Variants in SVEP1 observed in about 807,000 individuals in gnomAD.
The protein encoded by SVEP1 is sushi, von Willebrand factor type A, EGF and pentraxin domain-containing protein 1.
A neutral mutation model predicts 367.3 loss-of-function variants in SVEP1; 164 were observed. The ratio of observed to expected loss-of-function variants is 0.45; its 90% CI spans 0.39 to 0.51. The LOEUF (loss-of-function observed/expected upper bound fraction) is 0.51. SVEP1 is among the 20% of genes least tolerant of loss of function. SVEP1 has a pLI of 0.00. For missense variants in SVEP1, 4,117 were observed against 4,425.3 expected (o/e 0.93, Z 1.98); for synonymous variants, 1,666 against 1,611.6 (o/e 1.03, Z -0.81).
intron 9 of SVEP1, among the ~76,000 whole-genome samples, chr9:110,485,946 T>C (rs577758757): frequency 6.6e-6 from 1 of 152,222 alleles, no homozygotes; most frequent in Admixed American, 6.5e-5. Flanking sequence ...CTCATGTTTG[T>C]TATTAGTGCA....
chr9:110,575,598 C>A (rs35920727), intron 1 of SVEP1, among the ~76,000 whole-genome samples: 3,051 of 151,972 alleles, frequency 0.02, 106 homozygotes, highest in African/African-American at 0.063. Context: ...AAGGCAAAAG[C>A]CTTTAAACCT....
At chr9:110,533,718 G>A (rs530335334) in intron 3 of SVEP1, among the ~76,000 whole-genome samples, 11 of 152,156 alleles carry the variant, frequency 7.2e-5, no homozygotes, top group African/African-American at 2.7e-4. Context: ...AGCATAGCCC[G>A]ATTTCCTCTA....
In SVEP1 at chr9:110,458,555, A is replaced by C. The variant is rs1828811291; in HGVS notation, c.3492T>G (p.Ser1164Arg). 1 of 1,609,846 alleles carries C rather than the reference A, an allele frequency of 6.2e-7. No homozygotes were observed. The highest frequency in any genetic ancestry group is 1.3e-5 in the African/African-American group (1 of 74,896). The change falls in exon 20 of 48, where the codon AGT becomes AGG. Residue 1164 changes from serine (S) to arginine (R), a missense_variant. Transcript: ENST00000374469. ...TTTCCTCTGCCGCTGAGAAAGTTGA[A>C]CTAAAACCTAATCAATTAATAGAAA... ...SRSITECSSF[S>R]STFSAAEESV... is the part of the protein sequence containing the mutation.
At chr9:110,423,173 A>AAAAAAAAAAG (rs1564138046) in intron 36 of SVEP1, among the ~76,000 whole-genome samples, 7 of 147,138 alleles carry the variant, frequency 4.8e-5, no homozygotes, top group Non-Finnish European at 9.0e-5. Context: ...TAAAGTAAAA[A>AAAAAAAAAAG]AAAAAAAAAA....
chr9:110,504,891 C>T (rs772759004), intron 5 of SVEP1, among the ~76,000 whole-genome samples: 3 of 152,096 alleles, frequency 2.0e-5, no homozygotes, highest in Admixed American at 6.6e-5. Context: ...GTGCTCCAAA[C>T]GTGCTCGGGG....
At position 110,408,582 on chromosome 9, in the gene SVEP1, T is replaced by C. The variant is rs750111364; in HGVS notation, c.7018A>G (p.Thr2340Ala). The C allele has an allele frequency of 1.9e-6, 3 of 1,613,838 alleles. No individual in the cohort carries two copies. Among genetic ancestry groups the C allele is most frequent in the Non-Finnish European group, 2.5e-6 (3 of 1,179,886 alleles). The change falls in exon 38 of 48, where the codon ACC (threonine) becomes GCC (alanine). Residue 2340 changes from threonine to alanine, a missense_variant. By Grantham distance (58) the Thr-to-Ala change is moderately conservative. Around this residue, in one of 4 missense-constraint regions of SVEP1, gnomAD observed 1,765 missense variants for 1,781.1 expected, o/e 0.99. Transcript: ENST00000374469. ...GAAAATGTCACAACTCCTACCTCGG[T>C]GGTCAACTCCTTTAATACTAGCTGG... ...ENQLVLKELT[T>A]EVGVVTFSCK...
chr9:110,390,291 T>TAAGTA (rs1564127502), intron 40 of SVEP1, among the ~76,000 whole-genome samples: 10 of 26,486 alleles, frequency 3.8e-4, no homozygotes, highest in African/African-American at 1.2e-3. Flanking sequence ...ATATACATAC[T>TAAGTA]TATATATACT....
At chr9:110,428,540 C>T (rs1363002205) in intron 35 of SVEP1, among the ~76,000 whole-genome samples, 1 of 152,110 alleles carries the variant, frequency 6.6e-6, no homozygotes, top group Non-Finnish European at 1.5e-5. Context: ...AGAAATCCAT[C>T]ACAAAAGCAT....
chr9:110,516,287 C>T (rs2118783237), intron 3 of SVEP1, among the ~76,000 whole-genome samples: 1 of 151,342 alleles, frequency 6.6e-6, no homozygotes, highest in African/African-American at 2.4e-5. Context: ...AGGTGGGATT[C>T]ATAATATGTC....
chr9:110,566,949 T>C (rs1830500639), intron 1 of SVEP1, among the ~76,000 whole-genome samples: 1 of 152,214 alleles, frequency 6.6e-6, no homozygotes, highest in Non-Finnish European at 1.5e-5. Flanking sequence ...AAACACTTTA[T>C]ATTGCTCTCT....
At chr9:110,416,995 C>T (rs1828132410) in intron 36 of SVEP1, among the ~76,000 whole-genome samples, 1 of 151,990 alleles carries the variant, frequency 6.6e-6, no homozygotes, top group Non-Finnish European at 1.5e-5. Flanking sequence ...GCAATATTGT[C>T]CTTGATTGAG....
At chr9:110,474,078 G>A (rs1316919852) in intron 14 of SVEP1, among the ~76,000 whole-genome samples, 1 of 152,112 alleles carries the variant, frequency 6.6e-6, no homozygotes, top group Non-Finnish European at 1.5e-5. Context: ...TCGGCCCACT[G>A]CCACTTCCCC....
At chr9:110,534,160 T>C (rs1290193412) in intron 3 of SVEP1, among the ~76,000 whole-genome samples, 2 of 152,164 alleles carry the variant, frequency 1.3e-5, no homozygotes, top group African/African-American at 4.8e-5. Flanking sequence ...TTATTTTTTC[T>C]GATCCTCTCA....
In SVEP1 at chr9:110,430,445, T is replaced by G. The variant is rs754089742; in HGVS notation, c.5359A>C (p.Ile1787Leu). The change falls in exon 33 of 48, where the codon ATA becomes CTA. Residue 1787 changes from isoleucine (I) to leucine (L), a missense_variant. By Grantham distance (5) the Ile-to-Leu change is conservative. Coordinates refer to ENST00000374469, the MANE Select transcript of SVEP1 (RefSeq NM_153366.4). ...TGDGKNCAEPIKCKAPGNPEN... is the reference protein window; with the variant it reads ...TGDGKNCAEPLKCKAPGNPEN... ...GGATTTCCTGGAGCCTTACATTTTA[T>G]AGGTTCTAGAAACAGACAGTTTTGG... 1 of 1,609,294 alleles carries G rather than the reference T, an allele frequency of 6.2e-7. No homozygotes were observed. The highest frequency in any genetic ancestry group is 2.2e-5 in the East Asian group (1 of 44,822).
In SVEP1 at chr9:110,407,007, G is replaced by A. The variant is rs1031894825; in HGVS notation, c.8593C>T (p.Leu2865Phe). 2 of 1,613,788 alleles carry A rather than the reference G, an allele frequency of 1.2e-6. No homozygotes were observed. The highest frequency in any genetic ancestry group is 8.5e-7 in the Non-Finnish European group (1 of 1,179,874). ...CAAACCCGACTCCTGGCTCCCTCAA[G>A]CAAGAACCCTTCATTGCAAGTGTAT... is the stretch of plus-strand genomic sequence containing the variant. The part of the protein sequence containing the change: ...IEYTCNEGFL[L>F]EGARSRVCLA... The change falls in exon 38 of 48, where the codon CTT (leucine) becomes TTT (phenylalanine). Residue 2865 changes from leucine (L) to phenylalanine (F), a missense_variant. This residue lies in a region of SVEP1 where 1,765 missense variants were observed against 1,781.1 expected (regional missense o/e 0.99). Coordinates refer to ENST00000374469, the MANE Select transcript of SVEP1 (RefSeq NM_153366.4).
chr9:110,532,853 T>C (rs1830037231), intron 3 of SVEP1, among the ~76,000 whole-genome samples: 1 of 151,998 alleles, frequency 6.6e-6, no homozygotes, highest in African/African-American at 2.4e-5. Context: ...TTGCCGAATG[T>C]CCCCTGGGGA....
chr9:110,454,611 C>T (rs769990302), intron 22 of SVEP1, among the ~76,000 whole-genome samples: 5 of 152,240 alleles, frequency 3.3e-5, no homozygotes, highest in African/African-American at 4.8e-5. Context: ...TATACATCAT[C>T]GAATATTATG....
chr9:110,558,092 C>A (rs1830376964), intron 1 of SVEP1, among the ~76,000 whole-genome samples: 1 of 151,938 alleles, frequency 6.6e-6, no homozygotes. Flanking sequence ...ATATCCTCAT[C>A]CCAGGATGAA....
At chr9:110,450,454 T>A (rs963861373) in intron 23 of SVEP1, among the ~76,000 whole-genome samples, 194 bp from the exon 24 acceptor site, 4 of 149,198 alleles carry the variant, frequency 2.7e-5, no homozygotes, top group Non-Finnish European at 5.9e-5. Context: ...GGACTCTGAG[T>A]TTTTGATAAT....
Sources: allele counts gnomAD v4.1 joint callset (sites outside exome capture counted in the v4.1 genomes callset), GRCh38; gene constraint gnomAD v4.1.1; regional missense constraint gnomAD v4.1.1; transcripts MANE v1.5; gene names NCBI Gene and HGNC (gene_info 2026-07-23, HGNC 2026-07-21).